The following GREB1 variants were observed in gnomAD, a reference collection of about 807,000 sequenced individuals.
GREB1 encodes the protein protein GREB1.
A neutral mutation model predicts 200.7 loss-of-function variants in GREB1; 106 were observed. The observed-to-expected ratio is 0.53, with a 90% CI of 0.45 to 0.62. The LOEUF (loss-of-function observed/expected upper bound fraction) is 0.62, where lower values mean the gene tolerates loss of function less well. GREB1 is among the 20% of genes least tolerant of loss of function. The pLI is 0.00. For missense variants in GREB1, 2,243 were observed against 2,556.8 expected (o/e 0.88, Z 2.65); for synonymous variants, 1,132 against 1,092.4 (o/e 1.04, Z -0.72).
At chr2:11,577,435 C>G (rs1462303122) in intron 5 of GREB1, among the ~76,000 whole-genome samples, 3 of 152,238 alleles carry the variant, frequency 2.0e-5, no homozygotes, top group African/African-American at 7.2e-5. Flanking sequence ...GAAAGACCAG[C>G]TTCACGTTGC....
In GREB1 at chr2:11,637,886, T is replaced by C; in HGVS notation, c.5517T>C (p.Ser1839=). ...SLKNHDHPVL[S]VDCYLNLGSQ... is the part of the protein sequence containing the mutation. ...AGAACCATGACCACCCAGTGCTGTCTGTCGACTGTTACCTGAACCTGGGAT... is the reference window on the plus strand; with the variant it reads ...AGAACCATGACCACCCAGTGCTGTCCGTCGACTGTTACCTGAACCTGGGAT... The change falls in exon 31 of 33, where the codon TCT becomes TCC. Residue 1839 remains serine (S), a synonymous_variant. Coordinates refer to ENST00000381486, the MANE Select transcript of GREB1 (RefSeq NM_014668.4). 6.2e-7 allele frequency: 1 copy of C among 1,614,190 alleles called. No homozygotes were observed. Among genetic ancestry groups the C allele is most frequent in the Non-Finnish European group, 8.5e-7 (1 of 1,180,026 alleles).
At chr2:11,486,173 C>T (rs548944692) in intron 1 of GREB1, among the ~76,000 whole-genome samples, 18 of 152,178 alleles carry the variant, frequency 1.2e-4, no homozygotes, top group Non-Finnish European at 2.4e-4. Flanking sequence ...TATTCCAGAG[C>T]GTCCAGGGTG....
chr2:11,600,661 A>G (rs775275652), intron 15 of GREB1, 139 bp from the exon 16 acceptor site: 13 of 708,058 alleles, frequency 1.8e-5, no homozygotes, highest in Non-Finnish European at 2.9e-5. Context: ...TATTTTCTCT[A>G]TTCTTAGTCA....
At chr2:11,516,623 C>A (rs1673511574) in intron 1 of GREB1, among the ~76,000 whole-genome samples, 1 of 152,172 alleles carries the variant, frequency 6.6e-6, no homozygotes, top group East Asian at 1.9e-4. Context: ...CAGAATCTCA[C>A]CTTTCTTACT....
rs998589794 is a variant in GREB1 at position 11,578,718 on chromosome 2, C to T, written c.772+287C>T. On this transcript the variant is annotated intron_variant, in intron 6 of 32. Coordinates refer to ENST00000381486, the MANE Select transcript of GREB1 (RefSeq NM_014668.4). The stretch of plus-strand genomic sequence containing the variant: ...ACCCCCCACCCCAACCCCCGCACAG[C>T]ATAGAGCTCTCTATGTAAAGATGCT... Among the ~76,000 whole-genome samples the T allele has an allele frequency of 1.1e-4, 16 of 152,314 alleles. 1 individual carries two copies. Among genetic ancestry groups the T allele is most frequent in the Admixed American group, 7.8e-4 (12 of 15,306 alleles).
intron 1 of GREB1, among the ~76,000 whole-genome samples, chr2:11,552,854 A>AC (rs1269852262): frequency 2.0e-5 from 3 of 151,796 alleles, no homozygotes; most frequent in African/African-American, 4.8e-5. Context: ...TACTAAAAAT[A>AC]CAAAAATTAG....
chr2:11,494,088 G>A (rs910296862), intron 1 of GREB1, among the ~76,000 whole-genome samples: 7 of 152,232 alleles, frequency 4.6e-5, no homozygotes, highest in African/African-American at 1.7e-4. Flanking sequence ...GGAAACGGAG[G>A]TGCAGGAAAG....
intron 32 of GREB1, among the ~76,000 whole-genome samples, chr2:11,639,626 AC>A (rs2148464287): frequency 6.6e-6 from 1 of 152,310 alleles, no homozygotes; most frequent in Admixed American, 6.5e-5. Context: ...TCCCTAGCTG[AC>A]CTTCGCTTTC....
intron 3 of GREB1, chr2:11,563,277 TA>T (rs1252610200): frequency 6.6e-6 from 1 of 152,368 alleles, no homozygotes; most frequent in Non-Finnish European, 1.5e-5. Flanking sequence ...CTGGCTGGAA[TA>T]ATCTTTCATA....
intron 1 of GREB1, among the ~76,000 whole-genome samples, chr2:11,485,935 C>T (rs1420174273): frequency 1.3e-5 from 2 of 152,100 alleles, no homozygotes; most frequent in Non-Finnish European, 2.9e-5. Context: ...GGTCAAGCCC[C>T]CTGCATGCTA....
Position 11,642,545 on chromosome 2 carries a change from C to T in GREB1, c.*2091C>T, listed in dbSNP as rs1281332912. The T allele has an allele frequency of 6.6e-6, 1 of 151,756 alleles. No homozygotes were observed. Among genetic ancestry groups the T allele is most frequent in the Non-Finnish European group, 1.5e-5 (1 of 67,946 alleles). The allele number at this position is 151,756 out of a possible 1,614,324, so 9.4% of individuals were successfully genotyped here. A position where few individuals can be genotyped will look rare whatever the true frequency, so the allele number is the denominator to read the frequency against. On this transcript the variant is annotated 3_prime_UTR_variant, in exon 33 of 33. Transcript: ENST00000381486. ...AAGAGTTGATGTCAATCTTTTTTTC[C>T]TAAGAAAAAAAGTCCGCGAGTATTA...
At chr2:11,533,551 GAAC>G (rs1390488009), upstream of GREB1, among the ~76,000 whole-genome samples, 3 of 152,198 alleles carry the variant, frequency 2.0e-5, no homozygotes, top group Admixed American at 1.3e-4. Context: ...CAGAAGCCGG[GAAC>G]AACAATTTCA....
chr2:11,614,981 C>A, intron 19 of GREB1, 110 bp from the exon 20 acceptor site: 1 of 800,996 alleles, frequency 1.2e-6, no homozygotes, highest in African/African-American at 1.7e-5. Flanking sequence ...GTCCTTGGGT[C>A]CTCACCAGGA....
chr2:11,630,566 A>C (rs1301944785), intron 26 of GREB1, among the ~76,000 whole-genome samples: 1 of 151,658 alleles, frequency 6.6e-6, no homozygotes, highest in Non-Finnish European at 1.5e-5. Context: ...CCCATTACCA[A>C]CTCCAGCAAT....
Position 11,631,806 on chromosome 2 carries a change from T to A in GREB1, c.4612-103T>A, listed in dbSNP as rs934333889. ...GCTGAAAATTCCAGCAGTGTAGGCATGGTCATCATTCTTTGACGGAAAATA... is the reference window on the plus strand; with the variant it reads ...GCTGAAAATTCCAGCAGTGTAGGCAAGGTCATCATTCTTTGACGGAAAATA... On this transcript the variant is annotated intron_variant, in intron 26 of 32. Coordinates refer to ENST00000381486, the MANE Select transcript of GREB1 (RefSeq NM_014668.4). 1.9e-4 allele frequency: 167 copies of A among 864,890 alleles called. 2 individuals carry two copies. In the East Asian group the frequency reaches 4.2e-3, roughly 22 times the overall value. 53.6% of individuals were successfully genotyped at this position (864,890 alleles called of 1,614,324 possible).
In GREB1 at chr2:11,547,372, G is replaced by T. The variant is rs187343969; in HGVS notation, c.-161-9082G>T. On this transcript the variant is annotated intron_variant, in intron 1 of 32. Coordinates refer to ENST00000381486, the MANE Select transcript of GREB1 (RefSeq NM_014668.4). ...AACCTTTCCAAGCCTTATTTTCTTA[G>T]TTTCTTCATATGGGATAAAAGTAGG... Among the ~76,000 whole-genome samples the T allele has an allele frequency of 4.6e-5, 7 of 152,254 alleles. No individual in the cohort carries two copies. In the East Asian group the frequency reaches 1.4e-3, roughly 29 times the overall value.
chr2:11,495,267 A>G (rs1672855570), intron 1 of GREB1, among the ~76,000 whole-genome samples: 2 of 152,072 alleles, frequency 1.3e-5, no homozygotes, highest in Admixed American at 1.3e-4. Context: ...GCACTAAGCT[A>G]CACCGTAGCC....
At chr2:11,546,257 C>G (rs1440481269) in intron 1 of GREB1, among the ~76,000 whole-genome samples, 3 of 152,116 alleles carry the variant, frequency 2.0e-5, no homozygotes, top group East Asian at 1.9e-4. Flanking sequence ...CCTTCATCTG[C>G]AAAACCAAGA....
upstream of GREB1, among the ~76,000 whole-genome samples, chr2:11,532,863 A>G (rs1232565180): frequency 1.3e-5 from 2 of 152,226 alleles, no homozygotes; most frequent in Non-Finnish European, 2.9e-5. Context: ...AGCACCTGCC[A>G]TATGGCAGAC....
Sources: gnomAD v4.1 joint callset for allele counts (sites outside exome capture counted in the v4.1 genomes callset) on GRCh38, gnomAD v4.1.1 for gene constraint, MANE v1.5 for transcripts, NCBI Gene and HGNC (gene_info 2026-07-23, HGNC 2026-07-21) for gene names.